DSG1: variants seen among roughly 807,000 people sequenced by gnomAD.
DSG1 encodes the protein desmoglein-1.
A neutral mutation model predicts 97.5 loss-of-function variants in DSG1; 39 were observed. The ratio of observed to expected loss-of-function variants is 0.40; its 90% CI spans 0.31 to 0.52. The LOEUF is 0.52. DSG1 is among the 20% of genes least tolerant of loss of function. DSG1 has a pLI of 0.53. For synonymous variants in DSG1, 475 were observed against 443.4 expected (o/e 1.07, Z -0.90); for missense variants, 1,311 against 1,295.4 (o/e 1.01, Z -0.18).
In DSG1 at chr18:31,331,768, C is replaced by T. The variant is rs777698788; in HGVS notation, c.585C>T (p.Ala195=). The T allele has an allele frequency of 6.2e-7, 1 of 1,612,746 alleles. No homozygotes were observed. Among genetic ancestry groups the T allele is most frequent in the Non-Finnish European group, 8.5e-7 (1 of 1,179,092 alleles). The change falls in exon 6 of 15, where the codon GCC becomes GCT. Residue 195 remains alanine (A), a synonymous_variant. Coordinates refer to ENST00000257192, the MANE Select transcript of DSG1 (RefSeq NM_001942.4). ...DEPNNLNSKI[A]FKIIRQEPSD... Reference sequence around the variant, plus strand: ...CGAACAATTTGAACTCAAAAATAGCCTTCAAGATTATAAGACAAGAACCTT... The same window carrying T: ...CGAACAATTTGAACTCAAAAATAGCTTTCAAGATTATAAGACAAGAACCTT...
chr18:31,330,353 T>C (rs1351895765), intron 5 of DSG1, among the ~76,000 whole-genome samples: 1 of 152,134 alleles, frequency 6.6e-6, no homozygotes, highest in Non-Finnish European at 1.5e-5. Context: ...AGTCTAACTG[T>C]GTAGAAGGAC....
chr18:31,335,441 CTCTA>C (rs1333889852), intron 8 of DSG1, among the ~76,000 whole-genome samples: 1 of 152,042 alleles, frequency 6.6e-6, no homozygotes, highest in Admixed American at 6.6e-5. Flanking sequence ...TCCTCAATAT[CTCTA>C]TCTGTAAAAT....
chr18:31,336,265 A>G, intron 8 of DSG1, 89 bp from the exon 9 acceptor site: 2 of 968,136 alleles, frequency 2.1e-6, no homozygotes, highest in South Asian at 3.3e-5. Context: ...GAAAGATAAT[A>G]AGTTTTTTTT....
At chr18:31,350,973 T>C (rs956935472) in intron 14 of DSG1, among the ~76,000 whole-genome samples, 4 of 146,336 alleles carry the variant, frequency 2.7e-5, no homozygotes, top group Non-Finnish European at 5.9e-5. Flanking sequence ...TTTCCTTCAG[T>C]TCTGCTCTGA....
At chr18:31,353,073 G>T (rs1375604645) in intron 14 of DSG1, among the ~76,000 whole-genome samples, 5,817 of 109,148 alleles carry the variant, frequency 0.053, no homozygotes, top group East Asian at 0.12. Context: ...CAGTTTTTCT[G>T]TTCTGTTTTT....
At chr18:31,333,880 G>C in intron 7 of DSG1, 137 bp from the exon 8 acceptor site, 1 of 1,150,172 alleles carries the variant, frequency 8.7e-7, no homozygotes, top group South Asian at 1.3e-5. Context: ...AATAAATGGA[G>C]TTAAGCAATG....
At chr18:31,326,319 TAA>T (rs2071685655) in intron 1 of DSG1, among the ~76,000 whole-genome samples, 1 of 152,084 alleles carries the variant, frequency 6.6e-6, no homozygotes, top group Non-Finnish European at 1.5e-5. Flanking sequence ...AATTAAAAGT[TAA>T]AAATTTCTTA....
chr18:31,346,066 A>G lies in DSG1; in HGVS notation c.1968A>G (p.Leu656=), dbSNP rs1404603947. The change falls in exon 14 of 15, where the codon CTA becomes CTG. Residue 656 remains leucine, a synonymous_variant. Transcript: ENST00000257192. ...GGGERMTGFE[L]TEGVKTSGMP... ...GAGAGAGAATGACAGGATTTGAACT[A>G]ACAGAGGGAGTTAAAACTTCAGGAA... The G allele has an allele frequency of 4.3e-6, 7 of 1,613,974 alleles. No homozygotes were observed. The highest frequency in any genetic ancestry group is 4.2e-6 in the Non-Finnish European group (5 of 1,179,872).
At chr18:31,321,030 T>C (rs1304304840) in intron 1 of DSG1, among the ~76,000 whole-genome samples, 1 of 152,082 alleles carries the variant, frequency 6.6e-6, no homozygotes, top group Admixed American at 6.6e-5. Flanking sequence ...CCATGAATGA[T>C]CTGATTATTT....
chr18:31,327,053 G>A, intron 3 of DSG1, 48 bp downstream of exon 3: 1 of 1,609,798 alleles, frequency 6.2e-7, no homozygotes, highest in Non-Finnish European at 8.5e-7. Flanking sequence ...AATGGATAAA[G>A]TTTCAAAAGA....
chr18:31,319,166 C>T (rs1421925554), intron 1 of DSG1, among the ~76,000 whole-genome samples: 3 of 152,144 alleles, frequency 2.0e-5, no homozygotes, highest in African/African-American at 7.2e-5. Flanking sequence ...ACTAAGTGCA[C>T]CACTAATGTA....
intron 11 of DSG1, among the ~76,000 whole-genome samples, chr18:31,340,928 C>T (rs971664519): frequency 2.0e-5 from 3 of 152,212 alleles, no homozygotes; most frequent in Admixed American, 1.3e-4. Flanking sequence ...GTCACCTAAC[C>T]TTTCTGAGCC....
chr18:31,326,007 T>G (rs2071683642), intron 1 of DSG1, among the ~76,000 whole-genome samples: 1 of 152,054 alleles, frequency 6.6e-6, no homozygotes, highest in African/African-American at 2.4e-5. Flanking sequence ...ACAATCATAA[T>G]TATTAATATT....
chr18:31,320,639 C>T (rs968388937), intron 1 of DSG1, among the ~76,000 whole-genome samples: 1 of 152,354 alleles, frequency 6.6e-6, no homozygotes. Flanking sequence ...TGCTATAACA[C>T]TGCAAGTCAA....
intron 14 of DSG1, among the ~76,000 whole-genome samples, chr18:31,346,860 T>G (rs1249142727): frequency 6.6e-6 from 1 of 152,208 alleles, no homozygotes; most frequent in Non-Finnish European, 1.5e-5. Flanking sequence ...AGCTCAGTTC[T>G]AGACATAGAG....
chr18:31,326,198 C>A (rs1006269293), intron 1 of DSG1, among the ~76,000 whole-genome samples: 2 of 151,800 alleles, frequency 1.3e-5, no homozygotes, highest in South Asian at 2.1e-4. Flanking sequence ...ATAAAAAGAA[C>A]TTTTTTATAT....
chr18:31,338,222 T>C, intron 9 of DSG1, 93 bp from the exon 10 acceptor site: 5 of 1,324,418 alleles, frequency 3.8e-6, no homozygotes, highest in Non-Finnish European at 5.3e-6. Context: ...CTAGGGATTA[T>C]AATTACTCAC....
chr18:31,332,071 AATT>A (rs1321595405), intron 6 of DSG1, among the ~76,000 whole-genome samples: 6 of 152,226 alleles, frequency 3.9e-5, no homozygotes, highest in Non-Finnish European at 5.9e-5. Flanking sequence ...TTTTTCATAT[AATT>A]AATTGATTAA....
chr18:31,345,934 C>T, intron 13 of DSG1, 56 bp from the exon 14 acceptor site: 3 of 1,430,712 alleles, frequency 2.1e-6, no homozygotes, highest in Non-Finnish European at 2.9e-6. Context: ...CAAGTTGTTA[C>T]TTTTTAGTTT....
Sources: gnomAD v4.1 joint callset for allele counts (sites outside exome capture counted in the v4.1 genomes callset) on GRCh38, gnomAD v4.1.1 for gene constraint, MANE v1.5 for transcripts, NCBI Gene and HGNC (gene_info 2026-07-23, HGNC 2026-07-21) for gene names.